GPR158: variants seen among roughly 807,000 people sequenced by gnomAD.
GPR158 encodes G protein-coupled receptor 158.
GPR158 carries 30 observed loss-of-function variants against 78.2 expected under a neutral mutation model. That is an observed-to-expected ratio of 0.38 (90% confidence interval 0.29 to 0.52). The LOEUF is 0.52. GPR158 is among the 20% of genes least tolerant of loss of function. GPR158 has a pLI of 0.83. For missense variants in GPR158, 1,463 were observed against 1,523.5 expected (o/e 0.96, Z 0.66); for synonymous variants, 581 against 591.1 (o/e 0.98, Z 0.25).
chr10:25,532,257 A>G lies in GPR158; in HGVS notation c.1405-18719A>G, dbSNP rs570278668. 5.3e-5 allele frequency among the ~76,000 whole-genome samples: 8 copies of G among 152,086 alleles called. No individual in the cohort carries two copies. In the South Asian group the frequency reaches 1.7e-3, roughly 32 times the overall value. ...ACCAGAGAATGGTCTATGCAAGACT[A>G]TCTGTTAAACGGATGAGGCACCATA... On this transcript the variant is annotated intron_variant, in intron 5 of 10. Transcript: ENST00000376351.
chr10:25,197,879 C>T (rs1334718769), intron 1 of GPR158, among the ~76,000 whole-genome samples: 2 of 152,094 alleles, frequency 1.3e-5, no homozygotes, highest in Non-Finnish European at 2.9e-5. Context: ...GGTTCCCTGA[C>T]AAGAAATTGT....
intron 1 of GPR158, among the ~76,000 whole-genome samples, chr10:25,196,322 CTT>C (rs1316234384): frequency 1.3e-5 from 2 of 151,104 alleles, no homozygotes; most frequent in Admixed American, 1.3e-4. Flanking sequence ...TTCATGAACC[CTT>C]TTTTTGCTCT....
At chr10:25,459,610 T>C (rs1224710859) in intron 4 of GPR158, among the ~76,000 whole-genome samples, 2 of 152,144 alleles carry the variant, frequency 1.3e-5, no homozygotes, top group Non-Finnish European at 2.9e-5. Context: ...AGGAAAATAA[T>C]AATAAGCCAT....
At chr10:25,583,665 TTTAC>T (rs1036442489) in intron 7 of GPR158, among the ~76,000 whole-genome samples, 1 of 151,982 alleles carries the variant, frequency 6.6e-6, no homozygotes, top group African/African-American at 2.4e-5. Context: ...ATATTTTTTT[TTTAC>T]TTTAACCATG....
At chr10:25,590,189 G>A (rs1296458637) in intron 8 of GPR158, among the ~76,000 whole-genome samples, 2 of 152,088 alleles carry the variant, frequency 1.3e-5, no homozygotes, top group Non-Finnish European at 2.9e-5. Context: ...AAGAGACGTT[G>A]CCAGACAGCA....
intron 2 of GPR158, among the ~76,000 whole-genome samples, chr10:25,271,329 CTG>C (rs1854114986): frequency 1.3e-5 from 2 of 152,184 alleles, no homozygotes. Context: ...TTACTTATGT[CTG>C]TCTCTCTCAC....
Position 25,500,721 on chromosome 10 carries a change from C to T in GPR158, c.1404+34002C>T, listed in dbSNP as rs80067241. On this transcript the variant is annotated intron_variant, in intron 5 of 10. Transcript: ENST00000376351. ...TTTAGGCACATGCATGCATTTAAAT[C>T]TTGGAGAGGTATAGACAGCGTGAAG... 7.0e-3 allele frequency among the ~76,000 whole-genome samples: 1,063 copies of T among 152,244 alleles called. 12 individuals are homozygous for T. The highest frequency in any genetic ancestry group is 0.025 in the African/African-American group (1,029 of 41,542).
chr10:25,278,848 G>T lies in GPR158; in HGVS notation c.1008+57691G>T, dbSNP rs541471763. On this transcript the variant is annotated intron_variant, in intron 2 of 10. Coordinates refer to ENST00000376351, the MANE Select transcript of GPR158 (RefSeq NM_020752.3). The stretch of plus-strand genomic sequence containing the variant: ...GGAATAACTAAATAAAAAGCTTAGG[G>T]CACTTACTGTTACCAGACCTTCATT... Among the ~76,000 whole-genome samples, 12 of 151,636 alleles carry T rather than the reference G, an allele frequency of 7.9e-5. No individual in the cohort carries two copies. The East Asian group carries it at 2.3e-3, about 29-fold the overall frequency.
At chr10:25,471,823 T>C (rs1267837472) in intron 5 of GPR158, among the ~76,000 whole-genome samples, 1 of 152,226 alleles carries the variant, frequency 6.6e-6, no homozygotes, top group Non-Finnish European at 1.5e-5. Flanking sequence ...GTTTTTTTCT[T>C]GTACATTTGT....
At chr10:25,486,989 T>A (rs1029326122) in intron 5 of GPR158, among the ~76,000 whole-genome samples, 34 of 152,168 alleles carry the variant, frequency 2.2e-4, no homozygotes, top group African/African-American at 8.0e-4. Flanking sequence ...ATAAAGTGAA[T>A]GTCTGCACTT....
At chr10:25,356,277 G>A (rs145144409) in intron 2 of GPR158, among the ~76,000 whole-genome samples, 38 of 152,110 alleles carry the variant, frequency 2.5e-4, no homozygotes, top group African/African-American at 8.7e-4. Context: ...GAGTTCTGGG[G>A]TATTGCTGAT....
In GPR158 at chr10:25,176,726, G is replaced by A. The variant is rs142244373; in HGVS notation, c.902+404G>A. Reference sequence around the variant, plus strand: ...TGTGTCCGCGGAGTGGCAAGCCTCAGATGAGAGGCGAAAAGGGAGCAGGAG... The same window carrying A: ...TGTGTCCGCGGAGTGGCAAGCCTCAAATGAGAGGCGAAAAGGGAGCAGGAG... On this transcript the variant is annotated intron_variant, in intron 1 of 10. Transcript: ENST00000376351. This position sits in a 1 kb window ranked among gnomAD's most constrained non-coding sequence, Gnocchi z 6.3. Among the ~76,000 whole-genome samples the A allele has an allele frequency of 6.3e-3, 956 of 152,374 alleles. 13 individuals carry two copies. Among genetic ancestry groups the A allele is most frequent in the African/African-American group, 0.022 (911 of 41,596 alleles).
At chr10:25,587,826 T>C (rs34495386) in intron 7 of GPR158, among the ~76,000 whole-genome samples, 10,642 of 152,284 alleles carry the variant, frequency 0.07, 426 homozygotes, top group Admixed American at 0.092. Context: ...ATTTAAATGC[T>C]GATTGAAATA....
At chr10:25,213,268 C>T (rs374951179) in intron 1 of GPR158, among the ~76,000 whole-genome samples, 7 of 152,034 alleles carry the variant, frequency 4.6e-5, no homozygotes, top group Non-Finnish European at 1.5e-5. Flanking sequence ...AAACTTCTCC[C>T]GTAAGAGTAA....
chr10:25,540,498 T>C (rs1344629930), intron 5 of GPR158, among the ~76,000 whole-genome samples: 2 of 152,326 alleles, frequency 1.3e-5, no homozygotes, highest in East Asian at 3.9e-4. Flanking sequence ...CATACGTATG[T>C]TTATTGTGGC....
chr10:25,382,184 C>A (rs559289393), intron 2 of GPR158, among the ~76,000 whole-genome samples: 1 of 152,080 alleles, frequency 6.6e-6, no homozygotes, highest in Non-Finnish European at 1.5e-5. Context: ...GTTTGTCAAG[C>A]CTTTGGGCTA....
chr10:25,422,105 A>G (rs1170590838), intron 4 of GPR158, among the ~76,000 whole-genome samples: 1 of 152,118 alleles, frequency 6.6e-6, no homozygotes, highest in Non-Finnish European at 1.5e-5. Context: ...CCATTCACCC[A>G]CCACCGACTG....
intron 2 of GPR158, among the ~76,000 whole-genome samples, chr10:25,234,914 A>G (rs566480480): frequency 6.6e-6 from 1 of 152,356 alleles, no homozygotes; most frequent in Non-Finnish European, 1.5e-5. Context: ...GGACCAAATG[A>G]GTACCATATA....
chr10:25,267,373 C>T (rs79532051), intron 2 of GPR158, among the ~76,000 whole-genome samples: 3,152 of 152,116 alleles, frequency 0.021, 118 homozygotes, highest in African/African-American at 0.072. Context: ...GAAGGGGAGG[C>T]TCATCAGATC....
Sources: gnomAD v4.1 joint callset for allele counts (sites outside exome capture counted in the v4.1 genomes callset) on GRCh38, gnomAD v4.1.1 for gene constraint, Gnocchi (gnomAD v3.1) non-coding constraint, MANE v1.5 for transcripts, NCBI Gene and HGNC (gene_info 2026-07-23, HGNC 2026-07-21) for gene names.